Variants in SCRN3 observed in about 807,000 individuals in gnomAD.
SCRN3 encodes the protein secernin 3.
In SCRN3, 39 loss-of-function variants were observed where a neutral mutation model predicts 43.1. That is an observed-to-expected ratio of 0.91 (90% CI 0.70 to 1.18). The LOEUF (loss-of-function observed/expected upper bound fraction) is 1.18. Ranked by LOEUF, SCRN3 falls within the 50% of genes most tolerant of loss-of-function variation. The pLI is 0.00. For missense variants in SCRN3, 484 were observed against 498.0 expected (o/e 0.97, Z 0.27); for synonymous variants, 147 against 163.1 (o/e 0.90, Z 0.75).
intron 5 of SCRN3, among the ~76,000 whole-genome samples, chr2:174,413,168 G>T (rs896666342): frequency 6.6e-6 from 1 of 151,896 alleles, no homozygotes; most frequent in African/African-American, 2.4e-5. Context: ...CACCACACCC[G>T]GCCGATAGTG....
At chr2:174,417,072 A>G (rs1205059557) in intron 5 of SCRN3, among the ~76,000 whole-genome samples, 1 of 152,106 alleles carries the variant, frequency 6.6e-6, no homozygotes, top group Admixed American at 6.5e-5. Context: ...TTTTTCCCCC[A>G]TGTAGATAGA....
chr2:174,428,436 C>T lies in SCRN3; in HGVS notation c.*541C>T, dbSNP rs1253400768. 1 of 152,616 alleles carries T rather than the reference C, an allele frequency of 6.6e-6. No individual in the cohort carries two copies. The highest frequency in any genetic ancestry group is 1.5e-5 in the Non-Finnish European group (1 of 68,012). The allele number at this position is 152,616 out of a possible 1,614,324, so 9.5% of individuals were successfully genotyped here. Reference sequence around the variant, plus strand: ...GTTCTGCAAATGCACTTTTGTTAAACTCAAACATGCTCTTTGTCAAGACTT... The same window carrying T: ...GTTCTGCAAATGCACTTTTGTTAAATTCAAACATGCTCTTTGTCAAGACTT... On this transcript the variant is annotated 3_prime_UTR_variant, in exon 8 of 8. Coordinates refer to ENST00000272732, the MANE Select transcript of SCRN3 (RefSeq NM_024583.5).
rs201173074 is a variant in SCRN3, at chr2:174,400,013, A to G, written c.251A>G (p.Asn84Ser). 5 of 1,600,298 alleles carry G rather than the reference A, an allele frequency of 3.1e-6. No individual in the cohort carries two copies. The African/African-American group carries it at 4.1e-5, about 13-fold the overall frequency. The change falls in exon 3 of 8, where the codon AAT becomes AGT. Residue 84 changes from asparagine to serine, a missense_variant. Coordinates refer to ENST00000272732, the MANE Select transcript of SCRN3 (RefSeq NM_024583.5). ...AWLWGAEMGA[N>S]EHGVCIGNEA... ...TTGTGGGGGGCAGAAATGGGAGCCA[A>G]TGAGCATGGAGTTTGCATTGGGAAT...
At chr2:174,400,175 T>G (rs1162194253) in intron 3 of SCRN3, 72 bp downstream of exon 3, 1 of 1,169,486 alleles carries the variant, frequency 8.6e-7, no homozygotes, top group Non-Finnish European at 1.2e-6. Context: ...CTTACTTGTT[T>G]TATTTTCCTA....
In SCRN3 at chr2:174,395,794, C is replaced by T; in HGVS notation, c.-33C>T. The T allele has an allele frequency of 6.4e-7, 1 of 1,554,840 alleles. No individual in the cohort carries two copies. Among genetic ancestry groups the T allele is most frequent in the Non-Finnish European group, 8.7e-7 (1 of 1,148,374 alleles). ...GCCACTCCTCCCTCCGTCCACCTGTCACTTCGGGTAGCTGGGAGGCCAGGT... is the reference window on the plus strand; with the variant it reads ...GCCACTCCTCCCTCCGTCCACCTGTTACTTCGGGTAGCTGGGAGGCCAGGT... On this transcript the variant is annotated 5_prime_UTR_variant, in exon 1 of 8. Transcript: ENST00000272732.
At chr2:174,398,722 C>T (rs1685409110) in intron 2 of SCRN3, among the ~76,000 whole-genome samples, 1 of 152,194 alleles carries the variant, frequency 6.6e-6, no homozygotes. Flanking sequence ...GCTGTCAAGA[C>T]TCTGTTCCAG....
intron 4 of SCRN3, among the ~76,000 whole-genome samples, chr2:174,402,472 C>T (rs1008319874): frequency 6.6e-6 from 1 of 152,116 alleles, no homozygotes; most frequent in Non-Finnish European, 1.5e-5. Flanking sequence ...AGGATCACTT[C>T]AGCCCAGGAG....
Position 174,424,623 on chromosome 2 carries a change from G to A in SCRN3, c.1066G>A (p.Ala356Thr). The change falls in exon 7 of 8, where the codon GCA becomes ACA. Residue 356 changes from alanine to threonine, a missense_variant. Transcript: ENST00000272732. The part of the protein sequence containing the change: ...RHPLYQKHQQ[A>T]LEVVNNNEEK... ...CCCACTCTACCAAAAACATCAACAG[G>A]CATTGGAAGTAGTAAATAATAATGA... 1.2e-6 allele frequency: 2 copies of A among 1,611,864 alleles called. No individual in the cohort carries two copies. The highest frequency in any genetic ancestry group is 1.7e-6 in the Non-Finnish European group (2 of 1,178,812).
At chr2:174,414,502 A>G (rs6761260) in intron 5 of SCRN3, among the ~76,000 whole-genome samples, 10,364 of 152,224 alleles carry the variant, frequency 0.068, 1,139 homozygotes, top group African/African-American at 0.23. Flanking sequence ...TAGATCAGTT[A>G]GCAATATATG....
At chr2:174,399,860 A>G in intron 2 of SCRN3, 62 bp from the exon 3 acceptor site, 1 of 1,196,268 alleles carries the variant, frequency 8.4e-7, no homozygotes, top group South Asian at 2.8e-5. Flanking sequence ...TAAATTCTGG[A>G]TTTTGATAAC....
chr2:174,404,488 G>A (rs1164631960), intron 5 of SCRN3, among the ~76,000 whole-genome samples, 173 bp downstream of exon 5: 2 of 149,946 alleles, frequency 1.3e-5, no homozygotes, highest in East Asian at 3.9e-4. Context: ...TAAGTTTTAG[G>A]GTACATGTGC....
At position 174,420,729 on chromosome 2, in the gene SCRN3, A is replaced by G. The variant is rs138513046; in HGVS notation, c.755-2156A>G. ...AGATTAGGTATAACAGGAGAAAAAC[A>G]TTAGTGAACTGGAGGATCAGTAGAA... On this transcript the variant is annotated intron_variant, in intron 5 of 7. Transcript: ENST00000272732. Among the ~76,000 whole-genome samples the G allele has an allele frequency of 1.5e-3, 236 of 152,320 alleles. 5 individuals carry two copies. The highest frequency in any genetic ancestry group is 3.4e-3 in the Middle Eastern group (1 of 294).
At chr2:174,405,944 CT>C (rs1215821113) in intron 5 of SCRN3, among the ~76,000 whole-genome samples, 2 of 140,462 alleles carry the variant, frequency 1.4e-5, no homozygotes, top group Non-Finnish European at 3.2e-5. Flanking sequence ...GATGCGGGCT[CT>C]TTTTTGGTTC....
intron 5 of SCRN3, among the ~76,000 whole-genome samples, chr2:174,414,166 T>G (rs372274681): frequency 6.6e-6 from 1 of 152,292 alleles, no homozygotes; most frequent in South Asian, 2.1e-4. Context: ...TGCGGGAGGA[T>G]TGGCCTGATA....
At position 174,401,082 on chromosome 2, in the gene SCRN3, A is replaced by C. The variant is rs367602782; in HGVS notation, c.434A>C (p.Glu145Ala). Residue 145 changes from glutamate to alanine, a missense_variant, in exon 4 of 8, where the codon GAG (glutamate) becomes GCG (alanine). Transcript: ENST00000272732. ...EKYGQGGNCT[E>A]GRMVFSYHNS... ...TATGGCCAGGGTGGAAATTGCACAGAGGGTAGAATGGTATTTAGCTATCAC... is the reference window on the plus strand; with the variant it reads ...TATGGCCAGGGTGGAAATTGCACAGCGGGTAGAATGGTATTTAGCTATCAC... The C allele has an allele frequency of 2.5e-5, 40 of 1,613,736 alleles. No individual in the cohort carries two copies. In the African/African-American group the frequency reaches 3.7e-4, roughly 15 times the overall value.
At chr2:174,421,731 T>C (rs1029841979) in intron 5 of SCRN3, among the ~76,000 whole-genome samples, 2 of 152,214 alleles carry the variant, frequency 1.3e-5, no homozygotes, top group Non-Finnish European at 2.9e-5. Context: ...CCATTTTCTG[T>C]CACAGGCATT....
chr2:174,418,255 A>G (rs1686183722), intron 5 of SCRN3, among the ~76,000 whole-genome samples: 2 of 152,232 alleles, frequency 1.3e-5, no homozygotes, highest in African/African-American at 2.4e-5. Flanking sequence ...TAGTTCATCT[A>G]GCTTTCTGTG....
intron 4 of SCRN3, 28 bp from the exon 5 acceptor site, chr2:174,404,075 C>G: frequency 6.4e-7 from 1 of 1,557,596 alleles, no homozygotes; most frequent in Non-Finnish European, 8.8e-7. Flanking sequence ...CTTTTCTTCT[C>G]CTTTCTCCTC....
chr2:174,404,308 GCA>G lies in SCRN3; in HGVS notation c.750_751del (p.His250GlnfsTer7). Reference sequence around the variant, plus strand: ...GTGAGGGCTACAAGCTTCTAAATAAGCACAAAGGTAATTTTATCATATAAATA... The same window carrying G: ...GTGAGGGCTACAAGCTTCTAAATAAGCAAAGGTAATTTTATCATATAAATA... ...YCEGYKLLNK[H>X]KGNITFETMM... On this transcript the variant is annotated frameshift_variant, in exon 5 of 8. Coordinates refer to ENST00000272732, the MANE Select transcript of SCRN3 (RefSeq NM_024583.5). LOFTEE classifies it high-confidence loss of function. The G allele has an allele frequency of 6.2e-7, 1 of 1,608,674 alleles. No homozygotes were observed. The highest frequency in any genetic ancestry group is 8.5e-7 in the Non-Finnish European group (1 of 1,175,902).
Sources: gnomAD v4.1 joint callset for allele counts (sites outside exome capture counted in the v4.1 genomes callset) on GRCh38, gnomAD v4.1.1 for gene constraint, MANE v1.5 for transcripts, NCBI Gene and HGNC (gene_info 2026-07-23, HGNC 2026-07-21) for gene names.